NUP43: variants seen among roughly 807,000 people sequenced by gnomAD.
NUP43 encodes nucleoporin 43.
A neutral mutation model predicts 47.3 loss-of-function variants in NUP43; 32 were observed. That is an observed-to-expected ratio of 0.68 (90% CI 0.51 to 0.91). NUP43 has a LOEUF of 0.91. NUP43 is among the 40% of genes least tolerant of loss of function. The pLI, the probability that NUP43 is intolerant of heterozygous loss-of-function variation, is 0.00. For synonymous variants in NUP43, 147 were observed against 158.4 expected, an observed-to-expected ratio of 0.93 and a Z score of 0.54; for missense variants, 444 against 453.9, an observed-to-expected ratio of 0.98 and a Z score of 0.20.
At chr6:149,729,949 T>A (rs1309676646) in intron 7 of NUP43, among the ~76,000 whole-genome samples, 1 of 150,756 alleles carries the variant, frequency 6.6e-6, no homozygotes, top group Non-Finnish European at 1.5e-5. Context: ...AAACCCCGAT[T>A]ACAAGTGCAT....
At chr6:149,741,436 G>A (rs1226190346) in intron 4 of NUP43, among the ~76,000 whole-genome samples, 1 of 152,112 alleles carries the variant, frequency 6.6e-6, no homozygotes, top group East Asian at 1.9e-4. Flanking sequence ...TGCCTCCTAA[G>A]GTGCTGGGAT....
chr6:149,729,114 C>T (rs1416867608), intron 7 of NUP43, among the ~76,000 whole-genome samples: 1 of 152,112 alleles, frequency 6.6e-6, no homozygotes, highest in Admixed American at 6.6e-5. Flanking sequence ...CCTCAGCCTC[C>T]AGAGTAGCTG....
chr6:149,728,874 T>C (rs917856703), intron 7 of NUP43, among the ~76,000 whole-genome samples: 1 of 152,238 alleles, frequency 6.6e-6, no homozygotes, highest in Non-Finnish European at 1.5e-5. Flanking sequence ...TTCTGCCAAG[T>C]GGCCTCTTCT....
intron 7 of NUP43, chr6:149,727,645 G>A (rs917507927): frequency 1.1e-5 from 9 of 791,162 alleles, no homozygotes; most frequent in Admixed American, 6.3e-5. Context: ...AACATTTCTA[G>A]AAATATATTT....
In NUP43 at chr6:149,736,623, C is replaced by G; in HGVS notation, c.639-1G>C. The G allele has an allele frequency of 6.4e-7, 1 of 1,573,578 alleles. No homozygotes were observed. The highest frequency in any genetic ancestry group is 8.7e-7 in the Non-Finnish European group (1 of 1,148,718). On this transcript the variant is annotated splice_acceptor_variant, in intron 5 of 7. Coordinates refer to ENST00000340413, the MANE Select transcript of NUP43 (RefSeq NM_198887.3). LOFTEE classifies it high-confidence loss of function. ...GTGGAGTGGCACTCGGTCACCAGTC[C>G]TTTTGTGGGAGATAACAATGACGTC...
chr6:149,743,795 G>T, intron 2 of NUP43, 80 bp from the exon 3 acceptor site: 1 of 812,202 alleles, frequency 1.2e-6, no homozygotes. Context: ...AACTCAATTA[G>T]TAGCAAATCT....
chr6:149,736,747 G>T, intron 5 of NUP43, 125 bp from the exon 6 acceptor site: 1 of 747,970 alleles, frequency 1.3e-6, no homozygotes, highest in Non-Finnish European at 2.1e-6. Context: ...GGAATGCAGC[G>T]CTGCAATCAT....
Position 149,746,404 on chromosome 6 carries a change from G to C in NUP43, c.92C>G (p.Thr31Arg), listed in dbSNP as rs755898530. 6.2e-7 allele frequency: 1 copy of C among 1,614,180 alleles called. No homozygotes were observed. The highest frequency in any genetic ancestry group is 1.1e-5 in the South Asian group (1 of 91,088). Residue 31 changes from threonine to arginine, a missense_variant, in exon 1 of 8, where the codon ACG (threonine) becomes AGG (arginine). By Grantham distance (71) the Thr-to-Arg change is moderately conservative. Transcript: ENST00000340413. ...LPPGSLQTAE[T>R]FATGSWDNEE... is the part of the protein sequence containing the mutation. ...ATTGTCCCAAGATCCTGTAGCGAACGTCTCCGCGGTCTGTAAACTTCCCGG... is the reference window on the plus strand; with the variant it reads ...ATTGTCCCAAGATCCTGTAGCGAACCTCTCCGCGGTCTGTAAACTTCCCGG...
intron 6 of NUP43, among the ~76,000 whole-genome samples, chr6:149,733,292 C>G (rs1256535581): frequency 1.3e-5 from 2 of 152,074 alleles, no homozygotes; most frequent in African/African-American, 4.8e-5. Context: ...GGAAATGTTC[C>G]AAGAATTTGG....
intron 6 of NUP43, 34 bp from the exon 7 acceptor site, chr6:149,731,769 G>A (rs1158407100): frequency 1.9e-6 from 3 of 1,605,758 alleles, no homozygotes; most frequent in Non-Finnish European, 2.6e-6. Flanking sequence ...TCATTCCTGT[G>A]CAGATTCGCT....
chr6:149,729,613 G>T, intron 7 of NUP43: 1 of 785,464 alleles, frequency 1.3e-6, no homozygotes, highest in Non-Finnish European at 1.5e-6. Flanking sequence ...CTTCCTATTT[G>T]TTCTCCCAGC....
chr6:149,739,594 G>A (rs770750279), intron 4 of NUP43, among the ~76,000 whole-genome samples: 113 of 152,174 alleles, frequency 7.4e-4, no homozygotes, highest in Admixed American at 2.0e-3. Flanking sequence ...GCCTTGAACT[G>A]TTTTCTAAAT....
rs1404588219 is a variant in NUP43, at chr6:149,746,434, A to G, written c.62T>C (p.Leu21Pro). ...CGCGGTCTGTAAACTTCCCGGAGGC[A>G]GCGGTCGCCAGCGGGTTTTGCTGAT... Reference protein sequence around the residue: ...QKISKTRWRPLPPGSLQTAET... With the variant: ...QKISKTRWRPPPPGSLQTAET... Residue 21 changes from leucine (L) to proline (P), a missense_variant, in exon 1 of 8, where the codon CTG becomes CCG. Coordinates refer to ENST00000340413, the MANE Select transcript of NUP43 (RefSeq NM_198887.3). 1 of 1,614,212 alleles carries G rather than the reference A, an allele frequency of 6.2e-7. No individual in the cohort carries two copies.
intron 7 of NUP43, chr6:149,727,705 CA>C (rs756331939): frequency 9.8e-5 from 94 of 956,872 alleles, no homozygotes; most frequent in Non-Finnish European, 1.1e-4. Flanking sequence ...CGCCTTACCT[CA>C]AATCTTTCAT....
intron 7 of NUP43, among the ~76,000 whole-genome samples, chr6:149,729,176 A>G (rs1784917441): frequency 6.6e-6 from 1 of 152,006 alleles, no homozygotes. Flanking sequence ...TTTTTAGTAG[A>G]CACAGGGTTT....
chr6:149,731,164 G>C (rs996057471), intron 7 of NUP43, among the ~76,000 whole-genome samples: 11 of 151,828 alleles, frequency 7.2e-5, no homozygotes, highest in Non-Finnish European at 1.3e-4. Flanking sequence ...CAGCTACTAG[G>C]GAAGCTAAGG....
chr6:149,737,631 T>C (rs907801316), intron 5 of NUP43, among the ~76,000 whole-genome samples: 1 of 152,032 alleles, frequency 6.6e-6, no homozygotes, highest in South Asian at 2.1e-4. Flanking sequence ...GAATCTTTTT[T>C]TTATTTGAGA....
intron 6 of NUP43, among the ~76,000 whole-genome samples, chr6:149,735,975 T>TA (rs75190982): frequency 0.019 from 2,228 of 117,158 alleles, 19 homozygotes; most frequent in Non-Finnish European, 0.024. Context: ...CCTGTCTCTT[T>TA]AAAAAAAAAA....
chr6:149,726,916 A>T lies in NUP43; in HGVS notation c.*53T>A. On this transcript the variant is annotated 3_prime_UTR_variant, in exon 8 of 8. Transcript: ENST00000340413. ...TACTAAAATTTTGCACAGAAGTTGG[A>T]TTTCAAAAGGCTAATTGCATGTTCT... 2 of 1,441,130 alleles carry T rather than the reference A, an allele frequency of 1.4e-6. No individual in the cohort carries two copies. Among genetic ancestry groups the T allele is most frequent in the Non-Finnish European group, 1.9e-6 (2 of 1,036,180 alleles). The allele number at this position is 1,441,130 out of a possible 1,614,324, so 89.3% of individuals were successfully genotyped here.
Sources: gnomAD v4.1 joint callset for allele counts (sites outside exome capture counted in the v4.1 genomes callset) on GRCh38, gnomAD v4.1.1 for gene constraint, MANE v1.5 for transcripts, NCBI Gene and HGNC (gene_info 2026-07-23, HGNC 2026-07-21) for gene names.